PCED1B: variants seen among roughly 807,000 people sequenced by gnomAD.
PCED1B encodes PC-esterase domain containing 1B.
For synonymous variants in PCED1B, 251 were observed against 246.1 expected, an observed-to-expected ratio of 1.02 and a Z score of -0.19; for missense variants, 573 against 573.9, an observed-to-expected ratio of 1.00 and a Z score of 0.02.
At chr12:47,171,905 C>T (rs1202512279) in intron 2 of PCED1B, among the ~76,000 whole-genome samples, 1 of 148,138 alleles carries the variant, frequency 6.8e-6, no homozygotes, top group African/African-American at 2.6e-5. Context: ...TCCTCTTCTT[C>T]CTCTTCTTCT....
At chr12:47,224,361 A>T (rs749415237) in intron 3 of PCED1B, among the ~76,000 whole-genome samples, 13 of 152,224 alleles carry the variant, frequency 8.5e-5, no homozygotes, top group Non-Finnish European at 1.8e-4. Flanking sequence ...TCTGTAATTC[A>T]TAGGCGTTGT....
At chr12:47,102,564 C>G (rs1938755893) in intron 1 of PCED1B, among the ~76,000 whole-genome samples, 2 of 152,284 alleles carry the variant, frequency 1.3e-5, no homozygotes, top group South Asian at 4.1e-4. Context: ...AGCCATAAAA[C>G]TGCCATTTTT....
intron 2 of PCED1B, among the ~76,000 whole-genome samples, chr12:47,203,397 A>G (rs1450478681): frequency 6.6e-6 from 1 of 152,124 alleles, no homozygotes; most frequent in African/African-American, 2.4e-5. Context: ...TGCACAGATC[A>G]TCCCATCACC....
At chr12:47,222,904 A>G (rs527593533) in intron 3 of PCED1B, among the ~76,000 whole-genome samples, 2 of 152,114 alleles carry the variant, frequency 1.3e-5, no homozygotes, top group South Asian at 4.2e-4. Flanking sequence ...CCAAACCAGG[A>G]CTCTTAAGGG....
chr12:47,164,151 A>G (rs1317335358), intron 2 of PCED1B, among the ~76,000 whole-genome samples: 1 of 152,242 alleles, frequency 6.6e-6, no homozygotes, highest in Non-Finnish European at 1.5e-5. Context: ...ATTTTGTCCC[A>G]TGCCCCAAAA....
At chr12:47,126,228 TG>T (rs1188224956) in intron 2 of PCED1B, among the ~76,000 whole-genome samples, 1 of 152,100 alleles carries the variant, frequency 6.6e-6, no homozygotes, top group Admixed American at 6.5e-5. Context: ...AAGGAATGCA[TG>T]TAGGATTTTG....
chr12:47,115,052 T>C lies in PCED1B; in HGVS notation c.-526+10857T>C, dbSNP rs541855175. 5.7e-4 allele frequency among the ~76,000 whole-genome samples: 87 copies of C among 152,318 alleles called. No homozygotes were observed. The Middle Eastern group carries it at 0.01, about 18-fold the overall frequency. Reference sequence around the variant, plus strand: ...AGTAGGGTCTGAGTAAAACAGGATGTTACCTGTTTATCTAAGTGTATAAAA... The same window carrying C: ...AGTAGGGTCTGAGTAAAACAGGATGCTACCTGTTTATCTAAGTGTATAAAA... On this transcript the variant is annotated intron_variant, in intron 2 of 3. Coordinates refer to ENST00000546455, the MANE Select transcript of PCED1B (RefSeq NM_138371.3).
intron 3 of PCED1B, among the ~76,000 whole-genome samples, chr12:47,229,919 G>A (rs1943748050): frequency 1.3e-5 from 2 of 151,032 alleles, no homozygotes; most frequent in African/African-American, 4.9e-5. Context: ...ACAGGCACCC[G>A]CCACCACACC....
At chr12:47,220,696 A>T (rs1300640568) in intron 3 of PCED1B, among the ~76,000 whole-genome samples, 1 of 152,246 alleles carries the variant, frequency 6.6e-6, no homozygotes, top group Non-Finnish European at 1.5e-5. Context: ...AGAGTGGGAT[A>T]GAATGGCACA....
chr12:47,159,766 T>C (rs1455458705), intron 2 of PCED1B, among the ~76,000 whole-genome samples: 1 of 152,040 alleles, frequency 6.6e-6, no homozygotes, highest in Non-Finnish European at 1.5e-5. Flanking sequence ...CTATTTTTGG[T>C]TTCAGTTGCC....
rs182667662 is a variant in PCED1B, at chr12:47,162,127, G to C, written c.-525-54095G>C. ...GGGGCCTGTTGTGGGGTGGTGGGGGGGGGAAGGATAGCATTAGGAGATATA... is the reference window on the plus strand; with the variant it reads ...GGGGCCTGTTGTGGGGTGGTGGGGGCGGGAAGGATAGCATTAGGAGATATA... On this transcript the variant is annotated intron_variant, in intron 2 of 3. Coordinates refer to ENST00000546455, the MANE Select transcript of PCED1B (RefSeq NM_138371.3). 3.2e-3 allele frequency among the ~76,000 whole-genome samples: 478 copies of C among 151,700 alleles called. 6 individuals are homozygous for C. Among genetic ancestry groups the C allele is most frequent in the African/African-American group, 0.011 (456 of 41,304 alleles).
At position 47,120,751 on chromosome 12, in the gene PCED1B, G is replaced by A. The variant is rs1162977467; in HGVS notation, c.-526+16556G>A. 5.9e-5 allele frequency among the ~76,000 whole-genome samples: 9 copies of A among 152,264 alleles called. No homozygotes were observed. The South Asian group carries it at 1.2e-3, about 21-fold the overall frequency. On this transcript the variant is annotated intron_variant, in intron 2 of 3. Transcript: ENST00000546455. The stretch of plus-strand genomic sequence containing the variant: ...CGGGAGGCAGAGGTTGCAGTGAGCT[G>A]AGATCATGTCACTGCCTTTCAGTCT...
chr12:47,129,601 T>A (rs115833021), intron 2 of PCED1B, among the ~76,000 whole-genome samples: 5,768 of 151,510 alleles, frequency 0.038, 332 homozygotes, highest in African/African-American at 0.13. Flanking sequence ...AAAAAAAAAA[T>A]TTTTTTAAAG....
At chr12:47,119,555 A>T (rs1460483160) in intron 2 of PCED1B, among the ~76,000 whole-genome samples, 1 of 152,118 alleles carries the variant, frequency 6.6e-6, no homozygotes, top group East Asian at 1.9e-4. Context: ...AAAGAAAACT[A>T]TTAAAAACTT....
chr12:47,218,163 TGGA>T (rs1338674011), intron 3 of PCED1B, among the ~76,000 whole-genome samples: 3 of 152,132 alleles, frequency 2.0e-5, no homozygotes, highest in African/African-American at 7.2e-5. Context: ...TTTTTGGAGC[TGGA>T]GGAGAAGAGA....
At chr12:47,089,318 G>A (rs908883097) in intron 1 of PCED1B, among the ~76,000 whole-genome samples, 12 of 150,992 alleles carry the variant, frequency 7.9e-5, no homozygotes, top group Admixed American at 6.6e-4. Flanking sequence ...GTGGTGACGG[G>A]CACCTGTAGT....
chr12:47,126,655 A>C (rs1395396415), intron 2 of PCED1B, among the ~76,000 whole-genome samples: 1 of 152,170 alleles, frequency 6.6e-6, no homozygotes, highest in Non-Finnish European at 1.5e-5. Flanking sequence ...AAAAGTTTTA[A>C]TTTCAATTTC....
chr12:47,228,005 T>C (rs1943685485), intron 3 of PCED1B, among the ~76,000 whole-genome samples: 1 of 151,744 alleles, frequency 6.6e-6, no homozygotes, highest in African/African-American at 2.4e-5. Context: ...TGCAGAACTG[T>C]GTTTTGGCTC....
At chr12:47,221,990 C>G (rs1439919401) in intron 3 of PCED1B, among the ~76,000 whole-genome samples, 1 of 151,752 alleles carries the variant, frequency 6.6e-6, no homozygotes, top group East Asian at 1.9e-4. Context: ...GTGGTCCCAA[C>G]TACTTGGCAG....
Sources: allele counts gnomAD v4.1 joint callset (sites outside exome capture counted in the v4.1 genomes callset), GRCh38; gene constraint gnomAD v4.1.1; transcripts MANE v1.5; gene names NCBI Gene and HGNC (gene_info 2026-07-23, HGNC 2026-07-21).